PDXDC1: variants seen among roughly 807,000 people sequenced by gnomAD.
PDXDC1 encodes pyridoxal-dependent decarboxylase domain-containing protein 1.
A neutral mutation model predicts 100.1 loss-of-function variants in PDXDC1; 42 were observed. The ratio of observed to expected loss-of-function variants is 0.42; its 90% CI spans 0.33 to 0.54. The LOEUF (loss-of-function observed/expected upper bound fraction) is 0.54, where lower values mean the gene tolerates loss of function less well. PDXDC1 is among the 20% of genes least tolerant of loss of function. The probability of loss-of-function intolerance (pLI) is 0.10; values close to 1 mark genes in which losing one functional copy is unlikely to be tolerated. For synonymous variants in PDXDC1, 260 were observed against 371.7 expected (o/e 0.70, Z 3.46); for missense variants, 636 against 979.2 (o/e 0.65, Z 4.68).
At chr16:15,064,277 G>C (rs2044856298) in intron 16 of PDXDC1, among the ~76,000 whole-genome samples, 1 of 152,042 alleles carries the variant, frequency 6.6e-6, no homozygotes. Context: ...CCGGGTTCAA[G>C]AGATTCTCCT....
At position 15,037,808 on chromosome 16, in the gene PDXDC1, C is replaced by T; in HGVS notation, c.*1533C>T. On this transcript the variant is annotated 3_prime_UTR_variant, in exon 23 of 23. Coordinates refer to ENST00000396410, the MANE Select transcript of PDXDC1 (RefSeq NM_015027.4). ...CCGTTATTACCGACCAAAAAAAAAA[C>T]TGGACATCAATTTTTTAGTAAACCA... 4.7e-6 allele frequency: 2 copies of T among 421,648 alleles called. No individual in the cohort carries two copies. Among genetic ancestry groups the T allele is most frequent in the South Asian group, 4.7e-5 (1 of 21,426 alleles). The allele number at this position is 421,648 out of a possible 1,614,324, so 26.1% of individuals were successfully genotyped here.
downstream of PDXDC1, among the ~76,000 whole-genome samples, chr16:15,042,442 G>A (rs571499822): frequency 5.9e-5 from 9 of 152,114 alleles, no homozygotes; most frequent in Non-Finnish European, 7.4e-5. Flanking sequence ...CACCTGCCTC[G>A]GCTGCCCAAA....
At chr16:15,019,434 G>C (rs2042016705) in intron 12 of PDXDC1, among the ~76,000 whole-genome samples, 1 of 152,284 alleles carries the variant, frequency 6.6e-6, no homozygotes, top group Non-Finnish European at 1.5e-5. Context: ...TTTTAGGTGT[G>C]TTCTAATTGT....
downstream of PDXDC1, chr16:15,040,609 G>A (rs1047595616): frequency 7.8e-5 from 14 of 178,968 alleles, no homozygotes; most frequent in Non-Finnish European, 1.5e-4. Context: ...GATGGTTCTA[G>A]GTTTTCTCTA....
At chr16:15,033,011 G>A (rs367914726) in intron 18 of PDXDC1, 32 bp downstream of exon 18, 46 of 1,316,086 alleles carry the variant, frequency 3.5e-5, no homozygotes, top group Non-Finnish European at 5.0e-5. Flanking sequence ...CAGCTGTGGG[G>A]TTTGGAAGGA....
intron 1 of PDXDC1, among the ~76,000 whole-genome samples, chr16:14,983,887 G>A (rs1203051861): frequency 1.3e-5 from 2 of 152,248 alleles, no homozygotes; most frequent in Non-Finnish European, 2.9e-5. Flanking sequence ...CATTGACCTG[G>A]TGCAGTGGCT....
intron 16 of PDXDC1, among the ~76,000 whole-genome samples, chr16:15,081,000 G>C (rs542540454): frequency 6.6e-6 from 1 of 152,196 alleles, no homozygotes; most frequent in East Asian, 1.9e-4. Context: ...TATCAATGGA[G>C]TCATATAATA....
intron 16 of PDXDC1, among the ~76,000 whole-genome samples, chr16:15,103,632 TGGCTGGGAC>T (rs1180586365): frequency 2.1e-5 from 3 of 146,098 alleles, no homozygotes; most frequent in African/African-American, 7.5e-5. Flanking sequence ...GCCTCCCAAG[TGGCTGGGAC>T]TACAGGCATG....
Position 15,124,064 on chromosome 16 carries a change from C to G in PDXDC1, c.1400-14815C>G, listed in dbSNP as rs1184209130. Among the ~76,000 whole-genome samples the G allele has an allele frequency of 3.9e-5, 6 of 152,322 alleles. No homozygotes were observed. The Middle Eastern group carries it at 0.01, about 259-fold the overall frequency. ...AACCAAGCTGACTTTCATGACTGGC[C>G]TCTCAGGGACGTCCAAGGAATCTAT... On this transcript the variant is annotated intron_variant, in intron 16 of 16. Transcript: ENST00000535621.
At chr16:15,094,131 G>C (rs751820804) in intron 16 of PDXDC1, 2 of 1,585,870 alleles carry the variant, frequency 1.3e-6, no homozygotes, top group Non-Finnish European at 1.7e-6. Context: ...AGAAGGAAGC[G>C]GCCTGAATCT....
chr16:14,985,166 T>A (rs1255888654), intron 1 of PDXDC1, among the ~76,000 whole-genome samples: 1 of 151,578 alleles, frequency 6.6e-6, no homozygotes, highest in African/African-American at 2.4e-5. Context: ...TGTGAGCCAC[T>A]GCCTAAGATG....
chr16:15,087,079 T>C (rs756880763), intron 16 of PDXDC1, among the ~76,000 whole-genome samples: 12 of 152,198 alleles, frequency 7.9e-5, no homozygotes, highest in Non-Finnish European at 1.8e-4. Flanking sequence ...ATGTATAAAA[T>C]ACAGTGTCAA....
intron 8 of PDXDC1, among the ~76,000 whole-genome samples, chr16:15,012,124 G>C (rs1386673619): frequency 3.3e-5 from 5 of 150,590 alleles, no homozygotes; most frequent in Admixed American, 6.6e-5. Flanking sequence ...TTTTTTTGGA[G>C]ATGGAGTCTC....
intron 12 of PDXDC1, among the ~76,000 whole-genome samples, chr16:15,021,826 CCTCTTCCTT>C (rs2042231201): frequency 1.3e-5 from 2 of 152,294 alleles, no homozygotes; most frequent in Admixed American, 6.5e-5. Flanking sequence ...TCCTCATCCT[CCTCTTCCTT>C]CTCTTCTCCC....
At chr16:15,068,501 G>C (rs1414379561) in intron 16 of PDXDC1, among the ~76,000 whole-genome samples, 1 of 152,190 alleles carries the variant, frequency 6.6e-6, no homozygotes, top group Non-Finnish European at 1.5e-5. Flanking sequence ...CTTCTCTAAA[G>C]AAAACTTAGG....
chr16:14,989,978 C>T (rs1445302436), intron 1 of PDXDC1: 22 of 1,460,276 alleles, frequency 1.5e-5, no homozygotes, highest in Non-Finnish European at 1.9e-5. Context: ...AGGCAGACGG[C>T]TCGGTGGCGC....
At chr16:15,091,500 C>T (rs994249534) in intron 16 of PDXDC1, 44 of 663,260 alleles carry the variant, frequency 6.6e-5, no homozygotes, top group African/African-American at 5.0e-4. Context: ...ATGTCAATTG[C>T]GGATTATAAA....
intron 16 of PDXDC1, chr16:15,133,282 C>G: frequency 1.3e-6 from 2 of 1,581,588 alleles, no homozygotes; most frequent in Non-Finnish European, 1.7e-6. Flanking sequence ...GGACGGTGAC[C>G]AGGGCCAGCG....
chr16:15,036,406 A>G lies in PDXDC1; in HGVS notation c.*131A>G, dbSNP rs1323175364. 3.3e-6 allele frequency: 3 copies of G among 909,090 alleles called. No homozygotes were observed. Among genetic ancestry groups the G allele is most frequent in the Admixed American group, 2.7e-5 (1 of 36,988 alleles). 56.3% of individuals were successfully genotyped at this position (909,090 alleles called of 1,614,324 possible). A position where few individuals can be genotyped will look rare whatever the true frequency, so the allele number is the denominator to read the frequency against. The stretch of plus-strand genomic sequence containing the variant: ...GTGCTTCACTGGGATTTTGGCACAA[A>G]TATGTGCCTGAAAGGTAGGCTTTCT... On this transcript the variant is annotated 3_prime_UTR_variant, in exon 23 of 23. Coordinates refer to ENST00000396410, the MANE Select transcript of PDXDC1 (RefSeq NM_015027.4).
Sources: gnomAD v4.1 joint callset for allele counts (sites outside exome capture counted in the v4.1 genomes callset) on GRCh38, gnomAD v4.1.1 for gene constraint, MANE v1.5 for transcripts, NCBI Gene and HGNC (gene_info 2026-07-23, HGNC 2026-07-21) for gene names.